Variants in RAB2A observed in about 807,000 individuals in gnomAD.
The protein encoded by RAB2A is ras-related protein Rab-2A.
In RAB2A, 7 loss-of-function variants were observed where a neutral mutation model predicts 32.5. The ratio of observed to expected loss-of-function variants is 0.22; its 90% CI spans 0.12 to 0.40. The LOEUF is 0.40. Ranked by LOEUF, RAB2A falls within the 10% of genes least tolerant of loss-of-function variation. RAB2A has a pLI of 1.00. For synonymous variants in RAB2A, 79 were observed against 85.2 expected, an observed-to-expected ratio of 0.93 and a Z score of 0.40; for missense variants, 108 against 260.7, an observed-to-expected ratio of 0.41 and a Z score of 4.03.
chr8:60,531,019 T>C (rs985730626), intron 1 of RAB2A, among the ~76,000 whole-genome samples: 1 of 152,254 alleles, frequency 6.6e-6, no homozygotes, highest in African/African-American at 2.4e-5. Context: ...ACCTGCCTAG[T>C]GCACCCTATA....
intron 1 of RAB2A, among the ~76,000 whole-genome samples, chr8:60,529,973 G>A (rs1269626655): frequency 2.0e-5 from 3 of 151,882 alleles, no homozygotes; most frequent in Non-Finnish European, 2.9e-5. Flanking sequence ...TTCTGGTTCT[G>A]TGTCACCTTT....
intron 6 of RAB2A, among the ~76,000 whole-genome samples, chr8:60,593,269 T>G (rs1025340079): frequency 6.6e-6 from 1 of 152,220 alleles, no homozygotes; most frequent in African/African-American, 2.4e-5. Context: ...AGCCTACTAC[T>G]GCACCTACTA....
At chr8:60,603,307 A>G (rs533630318) in intron 6 of RAB2A, among the ~76,000 whole-genome samples, 3 of 152,330 alleles carry the variant, frequency 2.0e-5, no homozygotes, top group African/African-American at 7.2e-5. Context: ...ATACATGTTC[A>G]CCAAGACCCA....
intron 1 of RAB2A, among the ~76,000 whole-genome samples, chr8:60,555,189 C>T (rs915862672): frequency 6.6e-6 from 1 of 152,184 alleles, no homozygotes; most frequent in Non-Finnish European, 1.5e-5. Flanking sequence ...CTGTCTCTCA[C>T]CATATAGAAA....
chr8:60,570,109 G>A (rs1808176008), intron 2 of RAB2A: 1 of 447,686 alleles, frequency 2.2e-6, no homozygotes, highest in East Asian at 7.1e-5. Context: ...TCCAGAGAGG[G>A]AGCATCTGCT....
intron 1 of RAB2A, among the ~76,000 whole-genome samples, chr8:60,549,696 G>T (rs981969447): frequency 2.5e-4 from 38 of 152,018 alleles, no homozygotes; most frequent in African/African-American, 8.2e-4. Context: ...TTTCAAATTG[G>T]GTTTTTATCA....
At chr8:60,545,589 C>T (rs1048658363) in intron 1 of RAB2A, among the ~76,000 whole-genome samples, 2 of 152,174 alleles carry the variant, frequency 1.3e-5, no homozygotes, top group Non-Finnish European at 2.9e-5. Context: ...AAGGAATCTG[C>T]ATTTTTAATG....
chr8:60,568,142 A>G (rs1381663628), intron 2 of RAB2A, among the ~76,000 whole-genome samples: 1 of 152,226 alleles, frequency 6.6e-6, no homozygotes, highest in African/African-American at 2.4e-5. Flanking sequence ...ATAGGAGTCC[A>G]TATGTTACCA....
rs72650408 is a variant in RAB2A, at chr8:60,573,465, T to C, written c.186+1352T>C. On this transcript the variant is annotated intron_variant, in intron 3 of 7. Coordinates refer to ENST00000262646, the MANE Select transcript of RAB2A (RefSeq NM_002865.3). ...GACCTGGGTTTCCTGATACTTCCTA[T>C]GTGTCACAGTTTTCCCTTAAATGAT... is the stretch of plus-strand genomic sequence containing the variant. Among the ~76,000 whole-genome samples, 117 of 152,286 alleles carry C rather than the reference T, an allele frequency of 7.7e-4. 1 individual carries two copies. The highest frequency in any genetic ancestry group is 1.4e-3 in the Non-Finnish European group (93 of 68,006).
rs78161048 is a variant in RAB2A at position 60,552,001 on chromosome 8, G to GT, written c.47-6832dup. The GT allele has an allele frequency of 4.8e-3, 531 of 109,742 alleles. 8 individuals carry two copies. The highest frequency in any genetic ancestry group is 5.8e-3 in the Non-Finnish European group (319 of 54,934). 6.8% of individuals were successfully genotyped at this position (109,742 alleles called of 1,614,324 possible). A position where few individuals can be genotyped will look rare whatever the true frequency, so the allele number is the denominator to read the frequency against. ...GCCTCAGCCTCTTGAGTAGCTGGGA[G>GT]TTTTTTTTTTTTTTTTTTTAAGATG... On this transcript the variant is annotated intron_variant, in intron 1 of 7. Transcript: ENST00000262646.
chr8:60,524,376 T>G (rs914874994), intron 1 of RAB2A, among the ~76,000 whole-genome samples: 6 of 126,228 alleles, frequency 4.8e-5, no homozygotes, highest in African/African-American at 1.2e-4. Flanking sequence ...TGTGCTTACT[T>G]CATTTGTTAT....
At chr8:60,599,855 C>T (rs959394628) in intron 6 of RAB2A, among the ~76,000 whole-genome samples, 1 of 151,704 alleles carries the variant, frequency 6.6e-6, no homozygotes, top group Non-Finnish European at 1.5e-5. Flanking sequence ...AGTATCTGAG[C>T]CTTAGCGTAT....
intron 6 of RAB2A, among the ~76,000 whole-genome samples, chr8:60,606,270 C>G (rs976733967): frequency 7.2e-5 from 11 of 152,058 alleles, no homozygotes; most frequent in Admixed American, 5.2e-4. Flanking sequence ...TCAGTGATAC[C>G]CTGAGCAAGG....
chr8:60,574,658 TC>T (rs1472454877), intron 3 of RAB2A, among the ~76,000 whole-genome samples: 2 of 152,232 alleles, frequency 1.3e-5, no homozygotes, highest in African/African-American at 4.8e-5. Flanking sequence ...TTCCTAGTTG[TC>T]TGTTTTGTAG....
intron 1 of RAB2A, among the ~76,000 whole-genome samples, chr8:60,537,489 C>G (rs1037174400): frequency 3.7e-4 from 56 of 152,248 alleles, no homozygotes; most frequent in African/African-American, 1.3e-3. Flanking sequence ...TTCCAAAGTG[C>G]AGGGATTACA....
chr8:60,571,746 A>G (rs551269850), intron 2 of RAB2A, among the ~76,000 whole-genome samples: 1 of 151,838 alleles, frequency 6.6e-6, no homozygotes, highest in Admixed American at 6.6e-5. Context: ...TGGCTCTTGG[A>G]TCTCTTTTTT....
At chr8:60,574,033 A>G (rs1369091861) in intron 3 of RAB2A, among the ~76,000 whole-genome samples, 3 of 152,226 alleles carry the variant, frequency 2.0e-5, no homozygotes, top group Non-Finnish European at 4.4e-5. Flanking sequence ...ACATCTTTGC[A>G]TTGTGTAGTG....
chr8:60,546,198 C>T (rs1207277560), intron 1 of RAB2A, among the ~76,000 whole-genome samples: 1 of 152,186 alleles, frequency 6.6e-6, no homozygotes, highest in Non-Finnish European at 1.5e-5. Context: ...TTTAGGAAAA[C>T]AAGTAAATAA....
chr8:60,571,889 C>G lies in RAB2A; in HGVS notation c.119-157C>G, dbSNP rs141827530. Reference sequence around the variant, plus strand: ...TGTCTTATTAGCACCTCTTCCTTAGCTTATGTATTTTCTAAGTATAGGAAC... The same window carrying G: ...TGTCTTATTAGCACCTCTTCCTTAGGTTATGTATTTTCTAAGTATAGGAAC... On this transcript the variant is annotated intron_variant, in intron 2 of 7. Transcript: ENST00000262646. Among the ~76,000 whole-genome samples the G allele has an allele frequency of 3.7e-3, 558 of 152,160 alleles. 4 individuals are homozygous for G. Among genetic ancestry groups the G allele is most frequent in the African/African-American group, 0.013 (536 of 41,508 alleles).
Sources: allele counts gnomAD v4.1 joint callset (sites outside exome capture counted in the v4.1 genomes callset), GRCh38; gene constraint gnomAD v4.1.1; transcripts MANE v1.5; gene names NCBI Gene and HGNC (gene_info 2026-07-23, HGNC 2026-07-21).